EPG5: variants seen among roughly 807,000 people sequenced by gnomAD.
EPG5 encodes the protein ectopic P granules protein 5 homolog.
In EPG5, 159 loss-of-function variants were observed where a neutral mutation model predicts 302.7. The observed-to-expected ratio is 0.53, with a 90% CI of 0.46 to 0.60. EPG5 has a LOEUF of 0.60. Ranked by LOEUF, EPG5 falls within the 20% of genes least tolerant of loss-of-function variation. The probability of loss-of-function intolerance (pLI) is 0.00; values close to 1 mark genes in which losing one functional copy is unlikely to be tolerated. For synonymous variants in EPG5, 1,158 were observed against 1,136.8 expected, an observed-to-expected ratio of 1.02 and a Z score of -0.37; for missense variants, 2,896 against 3,092.4, an observed-to-expected ratio of 0.94 and a Z score of 1.51.
At chr18:45,944,140 T>A (rs747106232) in intron 7 of EPG5, 21 bp from the exon 8 acceptor site, 1 of 1,470,036 alleles carries the variant, frequency 6.8e-7, no homozygotes, top group Non-Finnish European at 9.5e-7. Flanking sequence ...AGACAAAAAA[T>A]CATGTCAGCA....
rs1568088592 is a variant in EPG5 at position 45,852,538 on chromosome 18, C to T, written c.7669G>A (p.Gly2557Arg). 6.2e-7 allele frequency: 1 copy of T among 1,614,222 alleles called. No homozygotes were observed. The highest frequency in any genetic ancestry group is 1.7e-5 in the Admixed American group (1 of 60,026). ...IRHPGHCLQD[G>R]KSFLALLVNC... ...ACGAGAAGAGCCAAGAAGCTTTTCC[C>T]ATCTTGAAGGCAATGGCCAGGATGC... Residue 2557 changes from glycine to arginine, a missense_variant, in exon 44 of 44, where the codon GGG (glycine) becomes AGG (arginine). This residue lies in a region of EPG5 where 620 missense variants were observed against 704.2 expected (regional missense o/e 0.88). Coordinates refer to ENST00000282041, the MANE Select transcript of EPG5 (RefSeq NM_020964.3).
chr18:45,937,407 C>T (rs969447942), intron 10 of EPG5, among the ~76,000 whole-genome samples: 3 of 151,580 alleles, frequency 2.0e-5, no homozygotes, highest in African/African-American at 7.3e-5. Context: ...TACACACACA[C>T]ACATATATAT....
intron 9 of EPG5, among the ~76,000 whole-genome samples, chr18:45,942,591 G>A (rs980513513): frequency 3.9e-5 from 6 of 152,020 alleles, no homozygotes; most frequent in Admixed American, 6.6e-5. Flanking sequence ...GCAAAAGAGC[G>A]AGACTCATCT....
intron 10 of EPG5, among the ~76,000 whole-genome samples, chr18:45,936,474 TC>T (rs2050525509): frequency 6.6e-6 from 1 of 152,120 alleles, no homozygotes; most frequent in Non-Finnish European, 1.5e-5. Flanking sequence ...ACGCCTGTAA[TC>T]CCAACACTTT....
rs2048549341 is a variant in EPG5 at position 45,857,906 on chromosome 18, G to C, written c.7389C>G (p.Ser2463Arg). ...RQNLVAEERL[S>R]SGILGAIGFG... The stretch of plus-strand genomic sequence containing the variant: ...ACCCAATTGCCCCCAGGATCCCAGA[G>C]CTGAGTCTCTCCTCAGCCACGAGGT... The change falls in exon 42 of 44, where the codon AGC becomes AGG. Residue 2463 changes from serine (S) to arginine (R), a missense_variant. By Grantham distance (110) the Ser-to-Arg change is moderately radical (BLOSUM62 -1). Around this residue, in one of 5 missense-constraint regions of EPG5, gnomAD observed 620 missense variants for 704.2 expected, o/e 0.88. Coordinates refer to ENST00000282041, the MANE Select transcript of EPG5 (RefSeq NM_020964.3). The C allele has an allele frequency of 1.2e-6, 2 of 1,612,474 alleles. No homozygotes were observed. The highest frequency in any genetic ancestry group is 1.7e-6 in the Non-Finnish European group (2 of 1,180,024).
intron 34 of EPG5, among the ~76,000 whole-genome samples, chr18:45,877,547 C>T (rs1011451845): frequency 3.3e-5 from 5 of 152,208 alleles, no homozygotes; most frequent in Non-Finnish European, 5.9e-5. Flanking sequence ...TACACAGTCA[C>T]TATAAAATCC....
At chr18:45,822,689 C>T in the EPG5 span, among the ~76,000 whole-genome samples, 25 of 152,018 alleles carry the variant, frequency 1.6e-4, no homozygotes, top group Non-Finnish European at 5.9e-5. Flanking sequence ...GATTAAAATG[C>T]TTTTAATCAA....
At chr18:45,829,042 CAGGGATCA>C in the EPG5 span, 1 of 964,952 alleles carries the variant, frequency 1.0e-6, no homozygotes, top group South Asian at 4.8e-5. Context: ...GTGAAGGGAG[CAGGGATCA>C]CTATGGAGGC....
chr18:45,904,130 G>A lies in EPG5; in HGVS notation c.4330-13C>T, dbSNP rs745781416. 5.6e-6 allele frequency: 9 copies of A among 1,605,844 alleles called. No individual in the cohort carries two copies. The East Asian group carries it at 6.8e-5, about 12-fold the overall frequency. On this transcript the variant is annotated splice_polypyrimidine_tract_variant and intron_variant, in intron 24 of 43. Coordinates refer to ENST00000282041, the MANE Select transcript of EPG5 (RefSeq NM_020964.3). ...CCATCCACAGATCCTGAAACAGAAC[G>A]ACAGTACTTTAACTCTGACAGACAA...
At chr18:45,907,887 A>C (rs2049792524) in intron 24 of EPG5, 71 bp downstream of exon 24, 1 of 1,411,974 alleles carries the variant, frequency 7.1e-7, no homozygotes, top group East Asian at 2.4e-5. Flanking sequence ...TTTTATTATG[A>C]ATATGACCAG....
chr18:45,839,303 A>G, the EPG5 span, among the ~76,000 whole-genome samples: 5 of 152,340 alleles, frequency 3.3e-5, no homozygotes, highest in South Asian at 1.0e-3. Context: ...GCTGAGGCTC[A>G]GAGAGGTTAA....
intron 38 of EPG5, 146 bp downstream of exon 38, chr18:45,866,652 C>T (rs1777978398): frequency 1.5e-6 from 1 of 676,708 alleles, no homozygotes; most frequent in Admixed American, 2.4e-5. Context: ...AAAAGATCTA[C>T]AAGGCCAAAA....
chr18:45,870,566 C>G lies in EPG5; in HGVS notation c.6225+1G>C. Reference sequence around the variant, plus strand: ...TGCGATGCCGGGAATGAAGGGCTTACTTTGAAGAAGGCCTCCATGAGCATC... The same window carrying G: ...TGCGATGCCGGGAATGAAGGGCTTAGTTTGAAGAAGGCCTCCATGAGCATC... On this transcript the variant is annotated splice_donor_variant, in intron 36 of 43. Transcript: ENST00000282041. LOFTEE classifies it high-confidence loss of function. 6.2e-7 allele frequency: 1 copy of G among 1,611,990 alleles called. No individual in the cohort carries two copies. Among genetic ancestry groups the G allele is most frequent in the Non-Finnish European group, 8.5e-7 (1 of 1,178,400 alleles).
intron 24 of EPG5, among the ~76,000 whole-genome samples, chr18:45,906,540 C>A (rs1743621630): frequency 1.3e-5 from 2 of 152,184 alleles, no homozygotes; most frequent in African/African-American, 4.8e-5. Context: ...TTTCCATCTG[C>A]CCAACTCCCA....
the EPG5 span, among the ~76,000 whole-genome samples, chr18:45,834,378 A>T: frequency 1.3e-5 from 2 of 152,248 alleles, no homozygotes; most frequent in African/African-American, 4.8e-5. Flanking sequence ...TGTCTGGACA[A>T]GACACACAGT....
rs572526149 is a variant in EPG5 at position 45,922,242 on chromosome 18, T to A, written c.3098+99A>T. ...ATTATTTGGCCCAATTGCTCCGCAATAGGTTTGACAGAGGCCTCAGAACTT... is the reference window on the plus strand; with the variant it reads ...ATTATTTGGCCCAATTGCTCCGCAAAAGGTTTGACAGAGGCCTCAGAACTT... On this transcript the variant is annotated intron_variant, in intron 16 of 43. Coordinates refer to ENST00000282041, the MANE Select transcript of EPG5 (RefSeq NM_020964.3). The A allele has an allele frequency of 2.7e-6, 4 of 1,456,286 alleles. No individual in the cohort carries two copies. In the South Asian group the frequency reaches 4.1e-5, roughly 15 times the overall value. The allele number at this position is 1,456,286 out of a possible 1,614,324, so 90.2% of individuals were successfully genotyped here. A position where few individuals can be genotyped will look rare whatever the true frequency, so the allele number is the denominator to read the frequency against.
At chr18:45,811,887 A>T in the EPG5 span, among the ~76,000 whole-genome samples, 8 of 152,150 alleles carry the variant, frequency 5.3e-5, no homozygotes, top group Non-Finnish European at 1.0e-4. Flanking sequence ...CACCACTCCT[A>T]TTCAACATAG....
At chr18:45,944,772 T>C (rs2050750799) in intron 7 of EPG5, among the ~76,000 whole-genome samples, 1 of 152,056 alleles carries the variant, frequency 6.6e-6, no homozygotes, top group Non-Finnish European at 1.5e-5. Flanking sequence ...ACAAGAACCA[T>C]AGATGAGAGT....
At chr18:45,943,889 C>T (rs1254480113) in intron 8 of EPG5, 116 bp downstream of exon 8, 1 of 660,446 alleles carries the variant, frequency 1.5e-6, no homozygotes, top group Non-Finnish European at 2.6e-6. Flanking sequence ...CCACTGCACT[C>T]AGGCCTGGGC....
Sources: gnomAD v4.1 joint callset for allele counts (sites outside exome capture counted in the v4.1 genomes callset) on GRCh38, gnomAD v4.1.1 for gene constraint, gnomAD v4.1.1 regional missense constraint, MANE v1.5 for transcripts, NCBI Gene and HGNC (gene_info 2026-07-23, HGNC 2026-07-21) for gene names.